The following GRIA4 variants were observed in gnomAD, a reference collection of about 807,000 sequenced individuals.
GRIA4 encodes glutamate ionotropic receptor AMPA type subunit 4, also known as glutamate receptor 4.
Under a neutral mutation model 104.0 loss-of-function variants are expected in GRIA4, and 34 were observed. The observed-to-expected ratio is 0.33, with a 90% CI of 0.25 to 0.44. The LOEUF (loss-of-function observed/expected upper bound fraction) is 0.44, where lower values mean the gene tolerates loss of function less well. GRIA4 is among the 20% of genes least tolerant of loss of function. The pLI is 1.00. For synonymous variants in GRIA4, 386 were observed against 381.9 expected (o/e 1.01, Z -0.13); for missense variants, 750 against 1,096.5 (o/e 0.68, Z 4.46).
At chr11:105,952,780 G>C (rs1948486830) in intron 14 of GRIA4, among the ~76,000 whole-genome samples, 2 of 152,128 alleles carry the variant, frequency 1.3e-5, no homozygotes, top group Non-Finnish European at 1.5e-5. Context: ...TATCAAAGTA[G>C]TTTTCAAGTG....
intron 3 of GRIA4, among the ~76,000 whole-genome samples, chr11:105,664,674 T>C (rs1012122981): frequency 5.3e-5 from 8 of 151,976 alleles, no homozygotes; most frequent in South Asian, 4.1e-4. Flanking sequence ...ACTAGTGTGA[T>C]CTAATTATTC....
intron 4 of GRIA4, among the ~76,000 whole-genome samples, chr11:105,855,806 C>A (rs1944989380): frequency 6.6e-6 from 1 of 151,936 alleles, no homozygotes. Context: ...TGTCTATAAC[C>A]AGAGAGAAAA....
chr11:105,866,934 T>C (rs1243961163), intron 5 of GRIA4, among the ~76,000 whole-genome samples: 1 of 152,068 alleles, frequency 6.6e-6, no homozygotes, highest in Admixed American at 6.6e-5. Flanking sequence ...CCTTAGAGTA[T>C]GAAGTAGGTA....
intron 4 of GRIA4, among the ~76,000 whole-genome samples, chr11:105,792,995 C>T (rs1393324970): frequency 4.6e-5 from 7 of 152,172 alleles, no homozygotes. Flanking sequence ...AAAGGCATTT[C>T]AGATTCTCAA....
chr11:105,949,441 C>T (rs1261607740), intron 14 of GRIA4, among the ~76,000 whole-genome samples: 1 of 152,046 alleles, frequency 6.6e-6, no homozygotes, highest in Non-Finnish European at 1.5e-5. Context: ...CATTGCCCTG[C>T]ATTAGGACTG....
intron 4 of GRIA4, among the ~76,000 whole-genome samples, chr11:105,769,435 G>A (rs974831633): frequency 2.0e-5 from 3 of 152,070 alleles, no homozygotes; most frequent in African/African-American, 7.2e-5. Context: ...GTACCCATGA[G>A]TATGATATAT....
chr11:105,805,144 C>T (rs1942893807), intron 4 of GRIA4, among the ~76,000 whole-genome samples: 1 of 151,832 alleles, frequency 6.6e-6, no homozygotes, highest in South Asian at 2.1e-4. Context: ...TTATTTTAAG[C>T]TGGCCTTTCC....
At chr11:105,763,484 G>A (rs1940768839) in intron 4 of GRIA4, among the ~76,000 whole-genome samples, 1 of 152,102 alleles carries the variant, frequency 6.6e-6, no homozygotes, top group African/African-American at 2.4e-5. Context: ...TTGAACTGAT[G>A]ACAATAGCCC....
intron 3 of GRIA4, among the ~76,000 whole-genome samples, chr11:105,733,244 C>T (rs1472683765): frequency 1.3e-5 from 2 of 151,998 alleles, no homozygotes; most frequent in African/African-American, 2.4e-5. Flanking sequence ...TGGATGATGC[C>T]ATACTTTAGA....
At chr11:105,753,447 T>A (rs1449618887) in intron 4 of GRIA4, among the ~76,000 whole-genome samples, 1 of 152,162 alleles carries the variant, frequency 6.6e-6, no homozygotes, top group African/African-American at 2.4e-5. Context: ...TTCATTGAAA[T>A]TAAGATAACT....
At position 105,803,030 on chromosome 11, in the gene GRIA4, C is replaced by T. The variant is rs1468481486; in HGVS notation, c.487+49810C>T. Among the ~76,000 whole-genome samples the T allele has an allele frequency of 3.3e-5, 5 of 151,988 alleles. No individual in the cohort carries two copies. The East Asian group carries it at 9.7e-4, about 29-fold the overall frequency. The stretch of plus-strand genomic sequence containing the variant: ...TAACATTTGAAATTTTTAGGCAAGA[C>T]CTTTCAACTCAAAAGAAATGTGATC... On this transcript the variant is annotated intron_variant, in intron 4 of 16. Transcript: ENST00000282499.
chr11:105,749,368 T>C (rs531795201), intron 3 of GRIA4, among the ~76,000 whole-genome samples: 1 of 152,294 alleles, frequency 6.6e-6, no homozygotes, highest in East Asian at 1.9e-4. Context: ...AGGAAAGTTC[T>C]TTGCTTTATA....
intron 3 of GRIA4, among the ~76,000 whole-genome samples, chr11:105,740,100 CAAAAT>C (rs1939212867): frequency 6.6e-6 from 1 of 152,076 alleles, no homozygotes; most frequent in Non-Finnish European, 1.5e-5. Context: ...CCTGATAAAA[CAAAAT>C]AAAGAGGCAT....
intron 4 of GRIA4, among the ~76,000 whole-genome samples, chr11:105,803,241 C>G (rs954389673): frequency 1.3e-5 from 2 of 151,828 alleles, no homozygotes; most frequent in Non-Finnish European, 2.9e-5. Context: ...TATATAGTAT[C>G]TCTGTTAATA....
intron 3 of GRIA4, among the ~76,000 whole-genome samples, chr11:105,620,604 T>C (rs537398921): frequency 4.6e-5 from 7 of 151,820 alleles, no homozygotes; most frequent in South Asian, 2.1e-4. Flanking sequence ...CCAACAAATA[T>C]GGACATATTG....
At position 105,759,473 on chromosome 11, in the gene GRIA4, T is replaced by C. The variant is rs976421034; in HGVS notation, c.487+6253T>C. 1.7e-4 allele frequency among the ~76,000 whole-genome samples: 26 copies of C among 152,160 alleles called. 1 individual carries two copies. Among genetic ancestry groups the C allele is most frequent in the Non-Finnish European group, 4.4e-5 (3 of 68,020 alleles). On this transcript the variant is annotated intron_variant, in intron 4 of 16. Transcript: ENST00000282499. The stretch of plus-strand genomic sequence containing the variant: ...ACTTTGACTCTGTAAACTTCTTCAA[T>C]ACAAACTACATATGTCACATTCTTA...
At chr11:105,700,324 T>C (rs1953440848) in intron 3 of GRIA4, among the ~76,000 whole-genome samples, 1 of 152,214 alleles carries the variant, frequency 6.6e-6, no homozygotes, top group African/African-American at 2.4e-5. Flanking sequence ...TCCTACCATA[T>C]CATTCTCCTC....
chr11:105,878,234 A>C (rs1467055865), intron 5 of GRIA4, among the ~76,000 whole-genome samples: 1 of 152,154 alleles, frequency 6.6e-6, no homozygotes, highest in Middle Eastern at 3.2e-3. Context: ...CCTGGGTATC[A>C]CCAGTGGAGG....
At chr11:105,697,962 T>G (rs1953344792) in intron 3 of GRIA4, among the ~76,000 whole-genome samples, 1 of 152,182 alleles carries the variant, frequency 6.6e-6, no homozygotes, top group Admixed American at 6.6e-5. Context: ...AAGTGCCTTT[T>G]CTTATTTTCT....
Sources: allele counts gnomAD v4.1 joint callset (sites outside exome capture counted in the v4.1 genomes callset), GRCh38; gene constraint gnomAD v4.1.1; transcripts MANE v1.5; gene names NCBI Gene and HGNC (gene_info 2026-07-23, HGNC 2026-07-21).